Variants in CFAP299 observed in about 807,000 individuals in gnomAD.
The protein encoded by CFAP299 is cilia and flagella associated protein 299, also known as cilia- and flagella-associated protein 299.
In CFAP299, 21 loss-of-function variants were observed where a neutral mutation model predicts 27.0. The ratio of observed to expected loss-of-function variants is 0.78; its 90% CI spans 0.55 to 1.12. CFAP299 has a LOEUF of 1.12. Among genes scored for constraint, CFAP299 ranks in the 50% most tolerant of loss-of-function variants. CFAP299 has a pLI of 0.00. For missense variants in CFAP299, 310 were observed against 276.6 expected (o/e 1.12, Z -0.86); for synonymous variants, 104 against 98.1 (o/e 1.06, Z -0.36).
chr4:80,752,029 C>T (rs924914784), intron 3 of CFAP299, among the ~76,000 whole-genome samples: 1 of 152,130 alleles, frequency 6.6e-6, no homozygotes, highest in Non-Finnish European at 1.5e-5. Flanking sequence ...TGTATCAGAC[C>T]CAATGCCCTG....
At chr4:80,877,670 T>A (rs1269169174) in intron 4 of CFAP299, among the ~76,000 whole-genome samples, 1 of 152,180 alleles carries the variant, frequency 6.6e-6, no homozygotes, top group Non-Finnish European at 1.5e-5. Context: ...AAATTTTTGG[T>A]CAAAAATACA....
At chr4:80,440,002 A>AT (rs1728279568) in intron 2 of CFAP299, among the ~76,000 whole-genome samples, 1 of 152,130 alleles carries the variant, frequency 6.6e-6, no homozygotes, top group African/African-American at 2.4e-5. Flanking sequence ...GTCTCTGTAG[A>AT]TTCCTCCTCT....
At chr4:80,327,914 G>A in the CFAP299 span, among the ~76,000 whole-genome samples, 3 of 151,338 alleles carry the variant, frequency 2.0e-5, no homozygotes, top group African/African-American at 7.3e-5. Context: ...AATAAGAACA[G>A]GTAGTATGAG....
intron 3 of CFAP299, among the ~76,000 whole-genome samples, chr4:80,605,479 A>G (rs1478760083): frequency 1.3e-5 from 2 of 152,208 alleles, no homozygotes; most frequent in Non-Finnish European, 2.9e-5. Flanking sequence ...AGCCAAGAGG[A>G]AATGGCATTA....
chr4:80,846,804 T>C (rs1023545632), intron 3 of CFAP299, among the ~76,000 whole-genome samples: 2 of 152,166 alleles, frequency 1.3e-5, no homozygotes, highest in Non-Finnish European at 2.9e-5. Context: ...TCTGATTTTT[T>C]AGTCTTTGCT....
chr4:80,957,827 C>G (rs1738143583), intron 5 of CFAP299, among the ~76,000 whole-genome samples: 1 of 152,086 alleles, frequency 6.6e-6, no homozygotes, highest in South Asian at 2.1e-4. Context: ...CTCTTTTTAT[C>G]ATAATAATTT....
chr4:80,880,171 A>C (rs1301098994), intron 4 of CFAP299, among the ~76,000 whole-genome samples: 1 of 152,132 alleles, frequency 6.6e-6, no homozygotes, highest in Non-Finnish European at 1.5e-5. Flanking sequence ...TATTCAAACA[A>C]GAAAGGAAGG....
chr4:80,908,919 C>T (rs757178058), intron 4 of CFAP299, among the ~76,000 whole-genome samples: 2 of 151,970 alleles, frequency 1.3e-5, no homozygotes, highest in Non-Finnish European at 2.9e-5. Context: ...CACACACACA[C>T]ATACACACAC....
intron 3 of CFAP299, among the ~76,000 whole-genome samples, chr4:80,788,818 A>G (rs145210259): frequency 1.1e-3 from 172 of 152,096 alleles, no homozygotes; most frequent in African/African-American, 4.0e-3. Flanking sequence ...CTGAAACATA[A>G]TTTTCTGTGG....
At chr4:80,631,788 C>G (rs2109947543) in intron 3 of CFAP299, among the ~76,000 whole-genome samples, 1 of 142,326 alleles carries the variant, frequency 7.0e-6, no homozygotes, top group East Asian at 2.1e-4. Flanking sequence ...TTTGGAAAAT[C>G]TGATTATTTT....
intron 1 of CFAP299, among the ~76,000 whole-genome samples, chr4:80,342,911 A>G (rs974648378): frequency 1.3e-5 from 2 of 152,192 alleles, no homozygotes; most frequent in African/African-American, 4.8e-5. Flanking sequence ...ACCCATTGCT[A>G]TGCTGTATTC....
At chr4:80,646,986 A>T (rs6823071) in intron 3 of CFAP299, among the ~76,000 whole-genome samples, 7,571 of 49,044 alleles carry the variant, frequency 0.15, 322 homozygotes, top group Admixed American at 0.24. Flanking sequence ...AGAGAGAGAG[A>T]GAGTGTGTGT....
chr4:80,610,158 T>C (rs1334682949), intron 3 of CFAP299, among the ~76,000 whole-genome samples: 1 of 151,734 alleles, frequency 6.6e-6, no homozygotes, highest in Non-Finnish European at 1.5e-5. Context: ...GTGTCTCTTC[T>C]TTCTGATCAC....
At chr4:80,409,505 G>C (rs545647735) in intron 2 of CFAP299, among the ~76,000 whole-genome samples, 2 of 152,236 alleles carry the variant, frequency 1.3e-5, no homozygotes, top group African/African-American at 4.8e-5. Context: ...TACAAAGTTT[G>C]TTAATCATTC....
chr4:80,869,972 T>C (rs765194842), intron 3 of CFAP299, 21 bp from the exon 4 acceptor site: 2 of 1,583,086 alleles, frequency 1.3e-6, no homozygotes, highest in Non-Finnish European at 1.7e-6. Context: ...TTTTGTCTTA[T>C]TCTCTATTCT....
intron 5 of CFAP299, among the ~76,000 whole-genome samples, chr4:80,960,840 C>A (rs1738309690): frequency 6.6e-6 from 1 of 151,856 alleles, no homozygotes. Flanking sequence ...TAGCCACACA[C>A]ATACCTTTTT....
At chr4:80,375,083 T>G (rs1724337326) in intron 2 of CFAP299, among the ~76,000 whole-genome samples, 1 of 152,044 alleles carries the variant, frequency 6.6e-6, no homozygotes. Flanking sequence ...CCGCACCAAG[T>G]GCAGTTCAAA....
upstream of CFAP299, among the ~76,000 whole-genome samples, chr4:80,331,998 C>T (rs1721959530): frequency 6.6e-6 from 1 of 152,074 alleles, no homozygotes; most frequent in Non-Finnish European, 1.5e-5. Flanking sequence ...AATGGAAAAC[C>T]AACGAACCAA....
chr4:80,572,176 T>C (rs1735613913), intron 2 of CFAP299, among the ~76,000 whole-genome samples: 1 of 152,162 alleles, frequency 6.6e-6, no homozygotes, highest in African/African-American at 2.4e-5. Flanking sequence ...CTTTGTGTAA[T>C]GAACATTCCG....
Sources: gnomAD v4.1 joint callset for allele counts (sites outside exome capture counted in the v4.1 genomes callset) on GRCh38, gnomAD v4.1.1 for gene constraint, MANE v1.5 for transcripts, NCBI Gene and HGNC (gene_info 2026-07-23, HGNC 2026-07-21) for gene names.